Variants in USP12 observed in about 807,000 individuals in gnomAD.
The protein encoded by USP12 is ubiquitin carboxyl-terminal hydrolase 12.
A neutral mutation model predicts 45.5 loss-of-function variants in USP12; 19 were observed. The observed-to-expected ratio is 0.42, with a 90% CI of 0.29 to 0.61. The LOEUF (loss-of-function observed/expected upper bound fraction) is 0.61. USP12 is among the 20% of genes least tolerant of loss of function. USP12 has a pLI of 0.22. For missense variants in USP12, 242 were observed against 447.7 expected (o/e 0.54, Z 4.15); for synonymous variants, 149 against 148.8 (o/e 1.00, Z -0.01).
chr13:27,087,031 G>C (rs1045483390), intron 6 of USP12, among the ~76,000 whole-genome samples: 6 of 152,100 alleles, frequency 3.9e-5, no homozygotes, highest in African/African-American at 1.4e-4. Context: ...TCAACTATTT[G>C]ATGGGGCCAA....
intron 1 of USP12, among the ~76,000 whole-genome samples, chr13:27,121,669 G>A (rs1325837460): frequency 6.6e-6 from 1 of 151,790 alleles, no homozygotes; most frequent in Non-Finnish European, 1.5e-5. Flanking sequence ...AGACCATCCT[G>A]GCTAACACGG....
chr13:27,071,185 T>G, intron 7 of USP12, 36 bp from the exon 8 acceptor site: 2 of 1,524,478 alleles, frequency 1.3e-6, no homozygotes, highest in Non-Finnish European at 1.8e-6. Flanking sequence ...TTCAATATAT[T>G]TATTAATATT....
chr13:27,128,850 T>A (rs899151465), intron 1 of USP12, among the ~76,000 whole-genome samples: 9 of 152,178 alleles, frequency 5.9e-5, no homozygotes, highest in African/African-American at 1.9e-4. Flanking sequence ...AGCACCTATG[T>A]TACAGTATAA....
At chr13:27,148,044 A>G (rs1877388864) in intron 1 of USP12, among the ~76,000 whole-genome samples, 1 of 151,846 alleles carries the variant, frequency 6.6e-6, no homozygotes, top group Non-Finnish European at 1.5e-5. Flanking sequence ...TGGGAGAACC[A>G]CTTGGGCCCA....
chr13:27,152,221 G>GC (rs778026583), intron 1 of USP12, among the ~76,000 whole-genome samples: 3 of 152,188 alleles, frequency 2.0e-5, no homozygotes, highest in Non-Finnish European at 2.9e-5. Flanking sequence ...CCATAAGGTA[G>GC]AAATGGCCCA....
At chr13:27,103,221 C>T (rs1463896792) in intron 3 of USP12, among the ~76,000 whole-genome samples, 1 of 152,040 alleles carries the variant, frequency 6.6e-6, no homozygotes, top group Non-Finnish European at 1.5e-5. Context: ...AAATGAGTAA[C>T]ATACTTTCCA....
chr13:27,111,655 T>C (rs1875453481), intron 2 of USP12, among the ~76,000 whole-genome samples: 1 of 152,198 alleles, frequency 6.6e-6, no homozygotes, highest in East Asian at 1.9e-4. Flanking sequence ...TAAGACCATT[T>C]TGAGCGCACA....
intron 3 of USP12, among the ~76,000 whole-genome samples, chr13:27,098,034 G>A (rs577426837): frequency 3.6e-4 from 54 of 149,050 alleles, no homozygotes; most frequent in Non-Finnish European, 7.0e-4. Flanking sequence ...TGCCCAGGAT[G>A]GAGTGCAACT....
At chr13:27,144,273 G>A (rs1455547609) in intron 1 of USP12, among the ~76,000 whole-genome samples, 1 of 151,976 alleles carries the variant, frequency 6.6e-6, no homozygotes, top group Non-Finnish European at 1.5e-5. Context: ...CAAGGTGGAA[G>A]CATCACTTCA....
chr13:27,142,060 T>A (rs1261167678), intron 1 of USP12, among the ~76,000 whole-genome samples: 2 of 152,052 alleles, frequency 1.3e-5, no homozygotes, highest in African/African-American at 4.8e-5. Flanking sequence ...AGGCAGAGGG[T>A]GCACTGAGCT....
intron 2 of USP12, among the ~76,000 whole-genome samples, chr13:27,115,854 T>G (rs1410813201): frequency 6.6e-6 from 1 of 152,236 alleles, no homozygotes; most frequent in Non-Finnish European, 1.5e-5. Flanking sequence ...AAATGTATAC[T>G]TGTACATTTG....
intron 3 of USP12, among the ~76,000 whole-genome samples, chr13:27,096,799 G>C (rs530251504): frequency 6.6e-6 from 1 of 152,038 alleles, no homozygotes; most frequent in Non-Finnish European, 1.5e-5. Context: ...TACCTATTTA[G>C]GACATTTTAT....
At chr13:27,142,950 G>C (rs1044914846) in intron 1 of USP12, among the ~76,000 whole-genome samples, 7 of 151,976 alleles carry the variant, frequency 4.6e-5, no homozygotes, top group African/African-American at 1.4e-4. Context: ...AAAATTAACT[G>C]GGCGTGGTGC....
At position 27,069,002 on chromosome 13, in the gene USP12, C is replaced by T; in HGVS notation, c.*281G>A. The T allele has an allele frequency of 4.6e-6, 2 of 431,480 alleles. No individual in the cohort carries two copies. The highest frequency in any genetic ancestry group is 8.3e-6 in the Non-Finnish European group (2 of 240,890). 26.7% of individuals were successfully genotyped at this position (431,480 alleles called of 1,614,324 possible). A position where few individuals can be genotyped will look rare whatever the true frequency, so the allele number is the denominator to read the frequency against. On this transcript the variant is annotated 3_prime_UTR_variant, in exon 9 of 9. Coordinates refer to ENST00000282344, the MANE Select transcript of USP12 (RefSeq NM_182488.4). ...GCAATTAATAAAGAGAAAATGCGTG[C>T]CAATGACTGGAAGGCTGTTTTAAAA...
chr13:27,105,671 T>C, intron 3 of USP12, 60 bp downstream of exon 3: 1 of 1,495,094 alleles, frequency 6.7e-7, no homozygotes, highest in Non-Finnish European at 9.2e-7. Flanking sequence ...GTGCTGGAAT[T>C]ATGGCACACT....
intron 1 of USP12, among the ~76,000 whole-genome samples, chr13:27,165,877 C>G (rs1878325322): frequency 6.6e-6 from 1 of 151,814 alleles, no homozygotes; most frequent in Non-Finnish European, 1.5e-5. Flanking sequence ...TTATCTAAAA[C>G]ATAATTAGAA....
intron 2 of USP12, among the ~76,000 whole-genome samples, chr13:27,114,513 A>C (rs1875618429): frequency 6.6e-6 from 1 of 152,182 alleles, no homozygotes; most frequent in East Asian, 1.9e-4. Flanking sequence ...ACTTCCAATA[A>C]TATCAGGAAT....
intron 1 of USP12, among the ~76,000 whole-genome samples, chr13:27,136,762 A>G (rs2137816038): frequency 6.6e-6 from 1 of 152,308 alleles, no homozygotes; most frequent in South Asian, 2.1e-4. Context: ...GGGAGCATTC[A>G]GTATAAAAAA....
chr13:27,137,309 C>A (rs1876848393), intron 1 of USP12, among the ~76,000 whole-genome samples: 1 of 152,148 alleles, frequency 6.6e-6, no homozygotes, highest in African/African-American at 2.4e-5. Context: ...CATGATTATA[C>A]ATGATAGATG....
Sources: allele counts gnomAD v4.1 joint callset (sites outside exome capture counted in the v4.1 genomes callset), GRCh38; gene constraint gnomAD v4.1.1; transcripts MANE v1.5; gene names NCBI Gene and HGNC (gene_info 2026-07-23, HGNC 2026-07-21).